Variants in RBFOX3 observed in about 807,000 individuals in gnomAD.
RBFOX3 encodes the protein RNA binding fox-1 homolog 3.
In RBFOX3, 17 loss-of-function variants were observed where a neutral mutation model predicts 48.7. The observed-to-expected ratio is 0.35, with a 90% CI of 0.24 to 0.52. RBFOX3 has a LOEUF of 0.52. Among genes scored for constraint, RBFOX3 ranks in the 20% least tolerant of loss-of-function variants. RBFOX3 has a pLI of 0.94. For missense variants in RBFOX3, 382 were observed against 497.5 expected, an observed-to-expected ratio of 0.77 and a Z score of 2.21; for synonymous variants, 212 against 209.5, an observed-to-expected ratio of 1.01 and a Z score of -0.10.
the RBFOX3 span, among the ~76,000 whole-genome samples, chr17:79,645,832 A>G: frequency 6.6e-6 from 1 of 152,252 alleles, no homozygotes; most frequent in African/African-American, 2.4e-5. Context: ...CAGATGGGGT[A>G]AAGTAGAGGG....
At chr17:79,503,619 C>T (rs1374161768) in intron 1 of RBFOX3, among the ~76,000 whole-genome samples, 5 of 152,222 alleles carry the variant, frequency 3.3e-5, no homozygotes, top group African/African-American at 7.2e-5. Context: ...TCCACGGCTG[C>T]GTGTGGCTCG....
intron 1 of RBFOX3, among the ~76,000 whole-genome samples, chr17:79,572,741 C>T (rs1258029812): frequency 6.6e-6 from 1 of 152,204 alleles, no homozygotes; most frequent in Non-Finnish European, 1.5e-5. Context: ...TCCCAAGGCT[C>T]ATTGTCTCAC....
rs559843442 is a variant in RBFOX3 at position 79,090,768 on chromosome 17, G to GT, written c.*114_*115insA. The GT allele has an allele frequency of 2.5e-3, 3,142 of 1,279,900 alleles. 30 individuals carry two copies. The South Asian group carries it at 0.045, about 18-fold the overall frequency. 79.3% of individuals were successfully genotyped at this position (1,279,900 alleles called of 1,614,324 possible). On this transcript the variant is annotated 3_prime_UTR_variant, in exon 15 of 15. Transcript: ENST00000693108. ...TGGTTGGATGCCTCTTGGTTTGGTT[G>GT]GTTTTTTTTTTGTTGCTTGGATCTT...
the RBFOX3 span, among the ~76,000 whole-genome samples, chr17:79,643,981 C>A: frequency 6.6e-6 from 1 of 151,940 alleles, no homozygotes; most frequent in Non-Finnish European, 1.5e-5. Context: ...AAAGATGGTT[C>A]TTTGAAAAGA....
intron 1 of RBFOX3, among the ~76,000 whole-genome samples, chr17:79,537,800 C>G (rs1176762496): frequency 2.0e-5 from 3 of 152,204 alleles, no homozygotes; most frequent in African/African-American, 7.2e-5. Context: ...GTGCCCAGCT[C>G]TTGGGCCAGG....
intron 1 of RBFOX3, among the ~76,000 whole-genome samples, chr17:79,564,018 T>C (rs990869894): frequency 3.3e-4 from 51 of 152,292 alleles, no homozygotes; most frequent in African/African-American, 1.2e-3. Flanking sequence ...CATTTCATGG[T>C]TTTGCTTCCC....
rs150734682 is a variant in RBFOX3 at position 79,354,946 on chromosome 17, G to A, written c.-174-47122C>T. On this transcript the variant is annotated intron_variant, in intron 2 of 14. Transcript: ENST00000693108. ...AATAGAGAATTGCACTTGGTTCGGC[G>A]TCAGCTAACAGCGGGCTCCCTTCCC... Among the ~76,000 whole-genome samples the A allele has an allele frequency of 1.9e-3, 284 of 152,260 alleles. 1 individual carries two copies. Among genetic ancestry groups the A allele is most frequent in the African/African-American group, 6.5e-3 (268 of 41,544 alleles).
intron 1 of RBFOX3, among the ~76,000 whole-genome samples, chr17:79,513,547 G>A (rs971328638): frequency 2.0e-5 from 3 of 152,220 alleles, no homozygotes; most frequent in Non-Finnish European, 4.4e-5. Context: ...TCCCCACAGT[G>A]GGGGCCTTTC....
At chr17:79,536,734 G>A (rs1195889065) in intron 1 of RBFOX3, among the ~76,000 whole-genome samples, 1 of 152,120 alleles carries the variant, frequency 6.6e-6, no homozygotes, top group East Asian at 1.9e-4. Context: ...TGTTTGGCAG[G>A]TGTGTGTGTG....
chr17:79,141,474 T>G (rs2041904998), intron 4 of RBFOX3, among the ~76,000 whole-genome samples: 1 of 152,076 alleles, frequency 6.6e-6, no homozygotes, highest in Admixed American at 6.5e-5. Context: ...AAGAAGCCAG[T>G]GTTAAATTTC....
At chr17:79,371,088 T>C (rs1450835003) in intron 2 of RBFOX3, among the ~76,000 whole-genome samples, 1 of 152,178 alleles carries the variant, frequency 6.6e-6, no homozygotes, top group Non-Finnish European at 1.5e-5. Flanking sequence ...CAGCACGGTG[T>C]CCCTCCTCCT....
chr17:79,130,515 C>T (rs560051881), intron 4 of RBFOX3, among the ~76,000 whole-genome samples: 11 of 152,366 alleles, frequency 7.2e-5, no homozygotes, highest in African/African-American at 2.6e-4. Context: ...GCGTGGATGT[C>T]CCCACCCTCT....
At chr17:79,614,301 C>A (rs1156345108), upstream of RBFOX3, among the ~76,000 whole-genome samples, 3 of 152,244 alleles carry the variant, frequency 2.0e-5, no homozygotes, top group African/African-American at 7.2e-5. Context: ...CACGGAGAGC[C>A]CCCCTTTTCC....
intron 2 of RBFOX3, among the ~76,000 whole-genome samples, chr17:79,372,016 T>G (rs1289322428): frequency 6.6e-6 from 1 of 152,050 alleles, no homozygotes; most frequent in Non-Finnish European, 1.5e-5. Context: ...GACGCTTCAG[T>G]TACAGGCAGG....
At position 79,480,656 on chromosome 17, in the gene RBFOX3, C is replaced by T. The variant is rs998532672; in HGVS notation, c.-175+1798G>A. The stretch of plus-strand genomic sequence containing the variant: ...GCATGCCCACACGTTGCTGCCTCGG[C>T]GCCTTGGCACTGGCCATTCCCTCTG... On this transcript the variant is annotated intron_variant, in intron 2 of 14. Coordinates refer to ENST00000693108, the MANE Select transcript of RBFOX3 (RefSeq NM_001350451.2). This position sits in a 1 kb window ranked among gnomAD's most constrained non-coding sequence, Gnocchi z 4.8. 1.2e-4 allele frequency among the ~76,000 whole-genome samples: 18 copies of T among 152,264 alleles called. No homozygotes were observed. In the South Asian group the frequency reaches 1.7e-3, roughly 14 times the overall value.
chr17:79,110,648 G>A (rs1424113300), intron 5 of RBFOX3, among the ~76,000 whole-genome samples: 1 of 152,250 alleles, frequency 6.6e-6, no homozygotes, highest in Non-Finnish European at 1.5e-5. Context: ...CTTGGAGGAG[G>A]GGTTCTCTGC....
At chr17:79,176,174 C>T (rs530788451) in intron 4 of RBFOX3, among the ~76,000 whole-genome samples, 2 of 152,330 alleles carry the variant, frequency 1.3e-5, no homozygotes, top group Non-Finnish European at 2.9e-5. Flanking sequence ...TTCTCCTCTT[C>T]TGTGGATTCC....
chr17:79,292,565 T>TACAC lies in RBFOX3; in HGVS notation c.-74+15155_-74+15158dup, dbSNP rs201523471. 5.1e-5 allele frequency among the ~76,000 whole-genome samples: 7 copies of TACAC among 138,550 alleles called. No homozygotes were observed. The South Asian group carries it at 1.1e-3, about 22-fold the overall frequency. 90.9% of individuals were successfully genotyped at this position (138,550 alleles called of 152,430 possible). A position where few individuals can be genotyped will look rare whatever the true frequency, so the allele number is the denominator to read the frequency against. ...ACACTCACACTTACAGTTGGCACTG[T>TACAC]ACACACACACACACACATGCACACA... On this transcript the variant is annotated intron_variant, in intron 3 of 14. Coordinates refer to ENST00000693108, the MANE Select transcript of RBFOX3 (RefSeq NM_001350451.2).
intron 1 of RBFOX3, among the ~76,000 whole-genome samples, chr17:79,508,420 G>A (rs2083500023): frequency 1.3e-5 from 2 of 152,262 alleles, no homozygotes; most frequent in South Asian, 2.1e-4. Context: ...CCGAGGCTGG[G>A]CCGCCGCCCA....
Sources: allele counts gnomAD v4.1 joint callset (sites outside exome capture counted in the v4.1 genomes callset), GRCh38; gene constraint gnomAD v4.1.1; non-coding constraint Gnocchi (gnomAD v3.1); transcripts MANE v1.5; gene names NCBI Gene and HGNC (gene_info 2026-07-23, HGNC 2026-07-21).